WDR70: variants seen among roughly 807,000 people sequenced by gnomAD.
WDR70 encodes WD repeat domain 70.
In WDR70, 53 loss-of-function variants were observed where a neutral mutation model predicts 88.6. The ratio of observed to expected loss-of-function variants is 0.60; its 90% confidence interval spans 0.48 to 0.75. The LOEUF (loss-of-function observed/expected upper bound fraction) is 0.75. Among genes scored for constraint, WDR70 ranks in the 30% least tolerant of loss-of-function variants. WDR70 has a pLI of 0.00. For missense variants in WDR70, 610 were observed against 823.2 expected (o/e 0.74, Z 3.17); for synonymous variants, 280 against 270.0 (o/e 1.04, Z -0.36).
chr5:37,614,140 G>A (rs1744265053), intron 10 of WDR70, among the ~76,000 whole-genome samples: 1 of 152,122 alleles, frequency 6.6e-6, no homozygotes, highest in Non-Finnish European at 1.5e-5. Flanking sequence ...GTGTTAGCAG[G>A]GTGTTCCTTT....
At chr5:37,594,027 A>AT (rs1561915407) in intron 9 of WDR70, among the ~76,000 whole-genome samples, 1 of 151,974 alleles carries the variant, frequency 6.6e-6, no homozygotes, top group East Asian at 1.9e-4. Context: ...TGTTTAAGTT[A>AT]TTTGTAGATT....
intron 10 of WDR70, among the ~76,000 whole-genome samples, chr5:37,689,576 AG>A (rs1157749305): frequency 1.3e-5 from 2 of 152,192 alleles, no homozygotes; most frequent in Non-Finnish European, 2.9e-5. Context: ...CAGGGTCTGG[AG>A]TGGACCTCCA....
At chr5:37,629,414 T>A (rs1744754078) in intron 10 of WDR70, among the ~76,000 whole-genome samples, 1 of 152,208 alleles carries the variant, frequency 6.6e-6, no homozygotes, top group African/African-American at 2.4e-5. Flanking sequence ...GCCCATAGTA[T>A]GAATATTTGC....
intron 7 of WDR70, among the ~76,000 whole-genome samples, chr5:37,456,059 C>A (rs1263677245): frequency 1.3e-5 from 2 of 152,014 alleles, no homozygotes; most frequent in African/African-American, 4.8e-5. Context: ...TCTATAAATA[C>A]TCCGTACTGT....
intron 7 of WDR70, among the ~76,000 whole-genome samples, chr5:37,453,358 C>T (rs1272054284): frequency 6.6e-6 from 1 of 151,898 alleles, no homozygotes; most frequent in Admixed American, 6.6e-5. Context: ...TATAGATATT[C>T]GATTAACTAA....
Position 37,636,040 on chromosome 5 carries a change from G to GT in WDR70, c.1092+30803dup, listed in dbSNP as rs1561931832. Among the ~76,000 whole-genome samples the GT allele has an allele frequency of 3.3e-5, 5 of 152,190 alleles. No individual in the cohort carries two copies. In the East Asian group the frequency reaches 9.6e-4, roughly 29 times the overall value. On this transcript the variant is annotated intron_variant, in intron 10 of 17. Coordinates refer to ENST00000265107, the MANE Select transcript of WDR70 (RefSeq NM_018034.4). Reference sequence around the variant, plus strand: ...GAGGCCTCCCTAGCCCTGTGGAACTGTAAGTCAATTAAACCTCTTTCCTTT... The same window carrying GT: ...GAGGCCTCCCTAGCCCTGTGGAACTGTTAAGTCAATTAAACCTCTTTCCTTT...
chr5:37,608,890 A>AT (rs770252558), intron 10 of WDR70, among the ~76,000 whole-genome samples: 22 of 152,038 alleles, frequency 1.4e-4, no homozygotes, highest in Non-Finnish European at 2.8e-4. Flanking sequence ...CTAGTAGGAT[A>AT]TTTGCTGCAT....
At chr5:37,657,162 G>A (rs543958284) in intron 10 of WDR70, among the ~76,000 whole-genome samples, 2 of 152,300 alleles carry the variant, frequency 1.3e-5, no homozygotes, top group Admixed American at 1.3e-4. Context: ...TGTGTGTTGT[G>A]AAGACTGTGG....
intron 5 of WDR70, among the ~76,000 whole-genome samples, chr5:37,399,035 T>C (rs1039073397): frequency 5.3e-5 from 8 of 152,078 alleles, no homozygotes; most frequent in African/African-American, 1.9e-4. Context: ...TCCCAGCACT[T>C]TGGGAGGCCG....
intron 7 of WDR70, among the ~76,000 whole-genome samples, chr5:37,455,020 TGGCACAG>T (rs1738788262): frequency 6.6e-6 from 1 of 152,190 alleles, no homozygotes; most frequent in South Asian, 2.1e-4. Context: ...ATAAAGTGCA[TGGCACAG>T]TGCCTGGCAC....
intron 9 of WDR70, among the ~76,000 whole-genome samples, chr5:37,559,441 C>T (rs1429040514): frequency 6.6e-6 from 1 of 152,184 alleles, no homozygotes; most frequent in East Asian, 1.9e-4. Flanking sequence ...CCTCCTCCTT[C>T]ATCTCACTTA....
chr5:37,600,070 A>G (rs74497976), intron 9 of WDR70, among the ~76,000 whole-genome samples: 1 of 152,092 alleles, frequency 6.6e-6, no homozygotes, highest in Non-Finnish European at 1.5e-5. Context: ...ACAAATGATG[A>G]AAGAGGGAAA....
intron 17 of WDR70, among the ~76,000 whole-genome samples, chr5:37,735,885 GC>G (rs1748291886): frequency 6.6e-6 from 1 of 152,100 alleles, no homozygotes; most frequent in African/African-American, 2.4e-5. Context: ...AAATGTGCCT[GC>G]CTACACATGA....
chr5:37,407,976 A>G (rs1223917871), intron 5 of WDR70, among the ~76,000 whole-genome samples: 1 of 152,204 alleles, frequency 6.6e-6, no homozygotes, highest in African/African-American at 2.4e-5. Flanking sequence ...ATGCAAAACA[A>G]CAGTGGCTTA....
chr5:37,703,227 G>A (rs928187651), intron 13 of WDR70, 140 bp downstream of exon 13: 3 of 1,033,396 alleles, frequency 2.9e-6, no homozygotes, highest in Middle Eastern at 2.5e-4. Flanking sequence ...TAGCGTAGGA[G>A]TTATCAGTAT....
Position 37,742,727 on chromosome 5 carries a change from T to G in WDR70, c.1878-9759T>G, listed in dbSNP as rs569331448. On this transcript the variant is annotated intron_variant, in intron 17 of 17. Transcript: ENST00000265107. ...TTATGGTTAGGTCTTTGATCCATTT[T>G]GAGGTAATTTTTGTGTATGGTATAA... Among the ~76,000 whole-genome samples the G allele has an allele frequency of 2.0e-5, 3 of 152,348 alleles. No individual in the cohort carries two copies. In the South Asian group the frequency reaches 6.2e-4, roughly 32 times the overall value.
intron 17 of WDR70, among the ~76,000 whole-genome samples, chr5:37,744,271 A>G (rs1748576734): frequency 6.6e-6 from 1 of 152,162 alleles, no homozygotes; most frequent in South Asian, 2.1e-4. Flanking sequence ...ACCCCATCCA[A>G]GGGTCAGTAG....
At chr5:37,420,511 C>T (rs6889709) in intron 5 of WDR70, among the ~76,000 whole-genome samples, 1,813 of 152,246 alleles carry the variant, frequency 0.012, 35 homozygotes, top group African/African-American at 0.041. Context: ...ATTATCATAA[C>T]TCACTGCAAC....
intron 9 of WDR70, among the ~76,000 whole-genome samples, chr5:37,535,735 A>G (rs1239052990): frequency 1.3e-5 from 2 of 152,192 alleles, no homozygotes; most frequent in African/African-American, 4.8e-5. Context: ...AATACATATT[A>G]TATGTCTGAA....
Sources: gnomAD v4.1 joint callset for allele counts (sites outside exome capture counted in the v4.1 genomes callset) on GRCh38, gnomAD v4.1.1 for gene constraint, MANE v1.5 for transcripts, NCBI Gene and HGNC (gene_info 2026-07-23, HGNC 2026-07-21) for gene names.